The following ATP11B variants were observed in gnomAD, a reference collection of about 807,000 sequenced individuals.
ATP11B encodes phospholipid-transporting ATPase IF.
Under a neutral mutation model 157.8 loss-of-function variants are expected in ATP11B, and 81 were observed. The observed-to-expected ratio is 0.51, with a 90% CI of 0.43 to 0.62. The LOEUF (loss-of-function observed/expected upper bound fraction) is 0.62, where lower values mean the gene tolerates loss of function less well. Ranked by LOEUF, ATP11B falls within the 20% of genes least tolerant of loss-of-function variation. The pLI, the probability that ATP11B is intolerant of heterozygous loss-of-function variation, is 0.00. For missense variants in ATP11B, 1,165 were observed against 1,402.2 expected (o/e 0.83, Z 2.70); for synonymous variants, 451 against 469.4 (o/e 0.96, Z 0.51).
intron 19 of ATP11B, 48 bp downstream of exon 19, chr3:182,874,063 A>C (rs373674507): frequency 6.5e-7 from 1 of 1,546,970 alleles, no homozygotes; most frequent in South Asian, 1.2e-5. Context: ...TTAGCAAACT[A>C]TGGTTCCCTG....
At chr3:182,888,786 G>A (rs909159031) in intron 24 of ATP11B, among the ~76,000 whole-genome samples, 1 of 151,338 alleles carries the variant, frequency 6.6e-6, no homozygotes, top group Admixed American at 6.6e-5. Flanking sequence ...AGTCTCAGGT[G>A]ATCCTCCTGC....
At chr3:182,804,305 G>A (rs1291778577) in intron 1 of ATP11B, among the ~76,000 whole-genome samples, 2 of 151,432 alleles carry the variant, frequency 1.3e-5, no homozygotes, top group Non-Finnish European at 2.9e-5. Context: ...AAGTGCAGTG[G>A]CGTGATCTTG....
At chr3:182,906,785 AAAAAAAG>A (rs1724388753) in intron 28 of ATP11B, among the ~76,000 whole-genome samples, 1 of 151,456 alleles carries the variant, frequency 6.6e-6, no homozygotes, top group African/African-American at 2.4e-5. Flanking sequence ...TTTAAAAAAA[AAAAAAAG>A]AAGAAGAAGA....
rs1328425843 is a variant in ATP11B, at chr3:182,919,754, A to G, written c.*1650A>G. 1 of 152,126 alleles carries G rather than the reference A, an allele frequency of 6.6e-6. No homozygotes were observed. Among genetic ancestry groups the G allele is most frequent in the Non-Finnish European group, 1.5e-5 (1 of 68,000 alleles). 9.4% of individuals were successfully genotyped at this position (152,126 alleles called of 1,614,324 possible). On this transcript the variant is annotated 3_prime_UTR_variant, in exon 30 of 30. Transcript: ENST00000323116. ...TATCCTTGTTTGCTTGTAAACTATTATTTTCTTGCTAATGTAACATTTGTC... is the reference window on the plus strand; with the variant it reads ...TATCCTTGTTTGCTTGTAAACTATTGTTTTCTTGCTAATGTAACATTTGTC...
chr3:182,836,000 T>G (rs1285964276), intron 4 of ATP11B, 35 bp from the exon 5 acceptor site: 1 of 1,536,152 alleles, frequency 6.5e-7, no homozygotes, highest in African/African-American at 1.4e-5. Context: ...CAAATTATAC[T>G]GAAAAATTAT....
Position 182,849,652 on chromosome 3 carries a change from C to G in ATP11B, c.851+1095C>G, listed in dbSNP as rs1350027167. Among the ~76,000 whole-genome samples the G allele has an allele frequency of 2.6e-5, 4 of 152,100 alleles. No homozygotes were observed. In the East Asian group the frequency reaches 7.7e-4, roughly 29 times the overall value. On this transcript the variant is annotated intron_variant, in intron 10 of 29. Transcript: ENST00000323116. ...TCATTAGGTGGGTCTCAACACCAGA[C>G]TGAATAAATCAGACCAGTGAACTTG...
At chr3:182,877,055 A>AAT (rs1229919040) in intron 19 of ATP11B, among the ~76,000 whole-genome samples, 2 of 152,228 alleles carry the variant, frequency 1.3e-5, no homozygotes, top group Admixed American at 1.3e-4. Flanking sequence ...CTTCACAAAG[A>AAT]TATATTGTCA....
At chr3:182,818,173 T>C (rs1198939527) in intron 1 of ATP11B, among the ~76,000 whole-genome samples, 2 of 152,150 alleles carry the variant, frequency 1.3e-5, no homozygotes, top group Non-Finnish European at 2.9e-5. Flanking sequence ...GTTAACATGT[T>C]TGTGGAGTGG....
Position 182,793,538 on chromosome 3 carries a change from C to G in ATP11B, c.-222C>G, listed in dbSNP as rs1271758052. 1.7e-4 allele frequency: 62 copies of G among 356,576 alleles called. No individual in the cohort carries two copies. The highest frequency in any genetic ancestry group is 7.3e-4 in the Middle Eastern group (1 of 1,364). 22.1% of individuals were successfully genotyped at this position (356,576 alleles called of 1,614,324 possible). ...GGTGGCTGCGGCGCGGCGGCAGGCTCAGCTGCGCCGGGCGGGGGCGGCGCC... is the reference window on the plus strand; with the variant it reads ...GGTGGCTGCGGCGCGGCGGCAGGCTGAGCTGCGCCGGGCGGGGGCGGCGCC... On this transcript the variant is annotated 5_prime_UTR_variant, in exon 1 of 30. Transcript: ENST00000323116.
At chr3:182,907,655 G>A (rs992836301) in intron 28 of ATP11B, among the ~76,000 whole-genome samples, 6 of 152,152 alleles carry the variant, frequency 3.9e-5, no homozygotes, top group African/African-American at 9.7e-5. Context: ...CTGATTGAGC[G>A]CCAAAGAAAG....
chr3:182,842,846 A>G lies in ATP11B; in HGVS notation c.704+724A>G, dbSNP rs572883892. ...CAAATCCCTTACATCAAAAGAATAT[A>G]CAATTCAGAAGATATTGCCACATTA... On this transcript the variant is annotated intron_variant, in intron 8 of 29. Coordinates refer to ENST00000323116, the MANE Select transcript of ATP11B (RefSeq NM_014616.3). Among the ~76,000 whole-genome samples, 147 of 152,340 alleles carry G rather than the reference A, an allele frequency of 9.6e-4. 1 individual carries two copies. Among genetic ancestry groups the G allele is most frequent in the African/African-American group, 3.4e-3 (140 of 41,576 alleles).
At chr3:182,847,261 A>G (rs1335417796) in intron 9 of ATP11B, among the ~76,000 whole-genome samples, 1 of 151,956 alleles carries the variant, frequency 6.6e-6, no homozygotes, top group Admixed American at 6.5e-5. Context: ...TTGGTCTCGA[A>G]CTCCTGACCT....
chr3:182,899,343 G>T (rs749413207), intron 28 of ATP11B, among the ~76,000 whole-genome samples: 8 of 151,652 alleles, frequency 5.3e-5, no homozygotes, highest in Non-Finnish European at 1.0e-4. Flanking sequence ...AGTAGAGACG[G>T]GGTTTCACCA....
chr3:182,829,819 C>A, intron 4 of ATP11B, 67 bp downstream of exon 4: 2 of 1,426,534 alleles, frequency 1.4e-6, no homozygotes, highest in Non-Finnish European at 1.9e-6. Context: ...ATTTCCACTC[C>A]AAAGTAACAT....
chr3:182,898,070 T>G (rs1723679738), intron 27 of ATP11B, among the ~76,000 whole-genome samples: 2 of 152,040 alleles, frequency 1.3e-5, no homozygotes, highest in South Asian at 2.1e-4. Context: ...AATATTAACT[T>G]CTATTTAGGA....
intron 28 of ATP11B, among the ~76,000 whole-genome samples, chr3:182,908,177 A>G (rs1481054651): frequency 6.8e-6 from 1 of 146,348 alleles, no homozygotes; most frequent in Non-Finnish European, 1.5e-5. Flanking sequence ...AATCAATATA[A>G]TTCTCATATT....
At position 182,881,050 on chromosome 3, in the gene ATP11B, A is replaced by G. The variant is rs750822676; in HGVS notation, c.2509+69A>G. 7.7e-5 allele frequency: 95 copies of G among 1,235,708 alleles called. No homozygotes were observed. In the Middle Eastern group the frequency reaches 1.4e-3, roughly 18 times the overall value. The allele number at this position is 1,235,708 out of a possible 1,614,324, so 76.5% of individuals were successfully genotyped here. A position where few individuals can be genotyped will look rare whatever the true frequency, so the allele number is the denominator to read the frequency against. Reference sequence around the variant, plus strand: ...TGGTGGTATTATTTGGTGGTTTTTAATTTTCTTTTTGTAGATTAAAGTACA... The same window carrying G: ...TGGTGGTATTATTTGGTGGTTTTTAGTTTTCTTTTTGTAGATTAAAGTACA... On this transcript the variant is annotated intron_variant, in intron 21 of 29. Transcript: ENST00000323116.
At chr3:182,796,463 C>T (rs1715604121) in intron 1 of ATP11B, among the ~76,000 whole-genome samples, 1 of 152,128 alleles carries the variant, frequency 6.6e-6, no homozygotes, top group Non-Finnish European at 1.5e-5. Context: ...AAATTGGAGC[C>T]ATATGTGGGT....
chr3:182,803,706 G>A (rs1027962170), intron 1 of ATP11B, among the ~76,000 whole-genome samples: 3 of 152,146 alleles, frequency 2.0e-5, no homozygotes, highest in Non-Finnish European at 4.4e-5. Flanking sequence ...GTTTTCTCCC[G>A]TATAGAAAGT....
Sources: gnomAD v4.1 joint callset for allele counts (sites outside exome capture counted in the v4.1 genomes callset) on GRCh38, gnomAD v4.1.1 for gene constraint, MANE v1.5 for transcripts, NCBI Gene and HGNC (gene_info 2026-07-23, HGNC 2026-07-21) for gene names.